The following ANKFN1 variants were observed in gnomAD, a reference collection of about 807,000 sequenced individuals.
ANKFN1 encodes ankyrin repeat and fibronectin type III domain containing 1.
A neutral mutation model predicts 108.7 loss-of-function variants in ANKFN1; 74 were observed. That is an observed-to-expected ratio of 0.68 (90% CI 0.56 to 0.83). The LOEUF (loss-of-function observed/expected upper bound fraction) is 0.83. Among genes scored for constraint, ANKFN1 ranks in the 40% least tolerant of loss-of-function variants. The pLI is 0.00. For missense variants in ANKFN1, 1,505 were observed against 1,382.3 expected, an observed-to-expected ratio of 1.09 and a Z score of -1.41; for synonymous variants, 547 against 516.2, an observed-to-expected ratio of 1.06 and a Z score of -0.81.
At chr17:56,182,835 T>A (rs1911814405) in intron 1 of ANKFN1, among the ~76,000 whole-genome samples, 1 of 152,186 alleles carries the variant, frequency 6.6e-6, no homozygotes, top group African/African-American at 2.4e-5. Flanking sequence ...TAGAGGCCAA[T>A]GCAGCTGGTG....
chr17:56,097,197 A>T (rs1212721651), intron 4 of ANKFN1, among the ~76,000 whole-genome samples: 1 of 152,170 alleles, frequency 6.6e-6, no homozygotes, highest in Non-Finnish European at 1.5e-5. Context: ...CATGCAATTT[A>T]CCTATATAAC....
chr17:56,482,817 G>A (rs377041766), intron 18 of ANKFN1, among the ~76,000 whole-genome samples: 23 of 152,194 alleles, frequency 1.5e-4, no homozygotes, highest in South Asian at 4.2e-4. Context: ...TTCTTAAAAC[G>A]TAAATATAAA....
At chr17:56,157,880 G>A (rs533062037) in intron 1 of ANKFN1, among the ~76,000 whole-genome samples, 57 of 152,236 alleles carry the variant, frequency 3.7e-4, no homozygotes, top group Admixed American at 2.4e-3. Flanking sequence ...CTCCACTCCC[G>A]TTTTCAGGCT....
chr17:56,290,282 G>A (rs558183752), intron 3 of ANKFN1, among the ~76,000 whole-genome samples: 5 of 152,178 alleles, frequency 3.3e-5, no homozygotes, highest in South Asian at 2.1e-4. Context: ...CAACTTTACC[G>A]TTCACCCAGC....
chr17:56,399,961 C>T (rs1161342102), intron 8 of ANKFN1, among the ~76,000 whole-genome samples: 1 of 147,952 alleles, frequency 6.8e-6, no homozygotes, highest in East Asian at 2.0e-4. Flanking sequence ...ATATATATCA[C>T]AATTTTTTTA....
intron 19 of ANKFN1, among the ~76,000 whole-genome samples, chr17:56,494,162 G>C (rs1177591604): frequency 6.6e-6 from 1 of 152,166 alleles, no homozygotes; most frequent in East Asian, 1.9e-4. Flanking sequence ...GCAAAGTGGA[G>C]AGCAGAAAAA....
At chr17:56,145,129 G>T (rs1290562641) in intron 4 of ANKFN1, among the ~76,000 whole-genome samples, 2 of 152,146 alleles carry the variant, frequency 1.3e-5, no homozygotes, top group Admixed American at 6.5e-5. Context: ...ATTTTATCTT[G>T]TTCTATAAGG....
chr17:56,511,561 T>G lies in ANKFN1; in HGVS notation c.*292T>G. The stretch of plus-strand genomic sequence containing the variant: ...CCACCCTGTTGGTGGCACCTATGAC[T>G]GAAGCTGGCCATCCCAAAGAGAGAC... On this transcript the variant is annotated 3_prime_UTR_variant, in exon 21 of 21. Coordinates refer to ENST00000682825, the MANE Select transcript of ANKFN1 (RefSeq NM_001370326.1). The G allele has an allele frequency of 3.1e-6, 1 of 327,840 alleles. No homozygotes were observed. The highest frequency in any genetic ancestry group is 5.5e-5 in the East Asian group (1 of 18,202). The allele number at this position is 327,840 out of a possible 1,614,324, so 20.3% of individuals were successfully genotyped here. A position where few individuals can be genotyped will look rare whatever the true frequency, so the allele number is the denominator to read the frequency against.
rs940077738 is a variant in ANKFN1, at chr17:56,514,451, T to C, written c.*3182T>C. Among the ~76,000 whole-genome samples the C allele has an allele frequency of 6.6e-6, 1 of 152,230 alleles. No homozygotes were observed. The highest frequency in any genetic ancestry group is 1.5e-5 in the Non-Finnish European group (1 of 68,040). Reference sequence around the variant, plus strand: ...GGCTACATCTTTGATTTCTTCTTGCTGTACAGACTCCTGAGGGAGTACAAC... The same window carrying C: ...GGCTACATCTTTGATTTCTTCTTGCCGTACAGACTCCTGAGGGAGTACAAC... On this transcript the variant is annotated 3_prime_UTR_variant, in exon 21 of 21. Coordinates refer to ENST00000682825, the MANE Select transcript of ANKFN1 (RefSeq NM_001370326.1).
At chr17:56,072,588 C>A (rs1410253079) in intron 4 of ANKFN1, among the ~76,000 whole-genome samples, 1 of 152,178 alleles carries the variant, frequency 6.6e-6, no homozygotes, top group African/African-American at 2.4e-5. Context: ...TGTCTCTTTT[C>A]CTACTTTATA....
Position 56,091,418 on chromosome 17 carries a change from T to TCACACACACA in ANKFN1, c.288+45128_288+45137dup, listed in dbSNP as rs34588908. Reference sequence around the variant, plus strand: ...ATACTTCATTTTTCTTCCAAACAAATCACACACACACACACACACACACAC... The same window carrying TCACACACACA: ...ATACTTCATTTTTCTTCCAAACAAATCACACACACACACACACACACACACACACACACAC... On this transcript the variant is annotated intron_variant, in intron 4 of 12. Transcript: ENST00000635860. Among the ~76,000 whole-genome samples, 239 of 136,918 alleles carry TCACACACACA rather than the reference T, an allele frequency of 1.7e-3. 3 individuals carry two copies. Among genetic ancestry groups the TCACACACACA allele is most frequent in the African/African-American group, 4.1e-3 (152 of 37,184 alleles). The allele number at this position is 136,918 out of a possible 152,430, so 89.8% of individuals were successfully genotyped here. A position where few individuals can be genotyped will look rare whatever the true frequency, so the allele number is the denominator to read the frequency against.
intron 8 of ANKFN1, among the ~76,000 whole-genome samples, chr17:56,431,480 C>T (rs2048753593): frequency 6.6e-6 from 1 of 152,060 alleles, no homozygotes; most frequent in South Asian, 2.1e-4. Flanking sequence ...TTGTGGCTCC[C>T]AGGGAGCAAA....
At chr17:56,214,546 A>G (rs1915281923) in intron 2 of ANKFN1, among the ~76,000 whole-genome samples, 1 of 152,252 alleles carries the variant, frequency 6.6e-6, no homozygotes, top group Non-Finnish European at 1.5e-5. Context: ...TAGATAATGC[A>G]TATGCCTCAT....
At chr17:56,311,522 T>C (rs2144442059) in intron 3 of ANKFN1, among the ~76,000 whole-genome samples, 1 of 152,390 alleles carries the variant, frequency 6.6e-6, no homozygotes, top group African/African-American at 2.4e-5. Flanking sequence ...TCATTTTTTT[T>C]ACTGTTAAGT....
intron 3 of ANKFN1, among the ~76,000 whole-genome samples, chr17:56,261,522 C>T (rs1222373767): frequency 1.3e-5 from 2 of 152,168 alleles, no homozygotes; most frequent in Admixed American, 1.3e-4. Context: ...CATCTGCAAG[C>T]TGAGGAGCAA....
At chr17:56,121,509 G>T (rs1906618725) in intron 4 of ANKFN1, among the ~76,000 whole-genome samples, 1 of 151,990 alleles carries the variant, frequency 6.6e-6, no homozygotes, top group Non-Finnish European at 1.5e-5. Context: ...GAGGTAAAGT[G>T]TTCATTATAC....
Position 56,327,352 on chromosome 17 carries a change from A to G in ANKFN1, c.188+997A>G, listed in dbSNP as rs1437031663. On this transcript the variant is annotated intron_variant, in intron 4 of 20. Coordinates refer to ENST00000682825, the MANE Select transcript of ANKFN1 (RefSeq NM_001370326.1). ...CATCTCTGGTGAACTCAGAGTCCATATAAGTGTCATATAGAGTTTAATGTC... is the reference window on the plus strand; with the variant it reads ...CATCTCTGGTGAACTCAGAGTCCATGTAAGTGTCATATAGAGTTTAATGTC... 2.0e-4 allele frequency among the ~76,000 whole-genome samples: 31 copies of G among 152,098 alleles called. 1 individual carries two copies. The highest frequency in any genetic ancestry group is 1.9e-4 in the East Asian group (1 of 5,182).
chr17:56,401,363 A>G (rs374824684), intron 8 of ANKFN1, among the ~76,000 whole-genome samples: 9 of 95,378 alleles, frequency 9.4e-5, no homozygotes, highest in African/African-American at 1.7e-4. Context: ...ATTGTATTGT[A>G]TTGTATTGTG....
chr17:56,248,581 G>A (rs1223271615), intron 3 of ANKFN1, among the ~76,000 whole-genome samples: 3 of 152,118 alleles, frequency 2.0e-5, no homozygotes, highest in Non-Finnish European at 4.4e-5. Flanking sequence ...TTTCACATAG[G>A]TGGAAGGCAG....
Sources: gnomAD v4.1 joint callset for allele counts (sites outside exome capture counted in the v4.1 genomes callset) on GRCh38, gnomAD v4.1.1 for gene constraint, MANE v1.5 for transcripts, NCBI Gene and HGNC (gene_info 2026-07-23, HGNC 2026-07-21) for gene names.